NRXN3: variants seen among roughly 807,000 people sequenced by gnomAD.
NRXN3 encodes neurexin 3.
NRXN3 carries 32 observed loss-of-function variants against 137.6 expected under a neutral mutation model. That is an observed-to-expected ratio of 0.23 (90% CI 0.18 to 0.31). NRXN3 has a LOEUF of 0.31. NRXN3 is among the 10% of genes least tolerant of loss of function. The probability of loss-of-function intolerance (pLI) is 1.00; values close to 1 mark genes in which losing one functional copy is unlikely to be tolerated. For missense variants in NRXN3, 1,574 were observed against 2,062.5 expected (o/e 0.76, Z 4.59); for synonymous variants, 798 against 784.5 (o/e 1.02, Z -0.29).
chr14:78,815,467 ATTTG>A (rs982452468), intron 10 of NRXN3, among the ~76,000 whole-genome samples: 2 of 64,324 alleles, frequency 3.1e-5, no homozygotes, highest in African/African-American at 1.0e-4. Context: ...TGCTTGGATA[ATTTG>A]TTTCTTTCTT....
intron 8 of NRXN3, among the ~76,000 whole-genome samples, chr14:78,724,297 T>C (rs777402964): frequency 9.2e-5 from 14 of 152,264 alleles, no homozygotes; most frequent in Non-Finnish European, 1.9e-4. Context: ...TCATGGGTTC[T>C]GTTTTAATCC....
intron 16 of NRXN3, among the ~76,000 whole-genome samples, chr14:79,554,679 C>G (rs1238752548): frequency 6.6e-6 from 1 of 152,150 alleles, no homozygotes; most frequent in Non-Finnish European, 1.5e-5. Context: ...GGCAGTCACA[C>G]AGGGTCCCTT....
chr14:78,278,613 C>T (rs922208332), intron 2 of NRXN3, 32 bp from the exon 3 acceptor site: 10 of 1,527,080 alleles, frequency 6.5e-6, no homozygotes, highest in Non-Finnish European at 7.9e-6. Context: ...TCTCCTCTCT[C>T]CCTTTCCCTC....
At chr14:78,526,832 T>C in intron 4 of NRXN3, 1 of 498,218 alleles carries the variant, frequency 2.0e-6, no homozygotes, top group East Asian at 5.7e-5. Context: ...AGGGGATTCA[T>C]ATTTTCTATG....
chr14:79,009,408 C>T (rs1261897853), intron 15 of NRXN3, among the ~76,000 whole-genome samples: 1 of 152,100 alleles, frequency 6.6e-6, no homozygotes. Flanking sequence ...AAATCATTGC[C>T]ATTGGTACTG....
intron 20 of NRXN3, among the ~76,000 whole-genome samples, chr14:79,808,255 A>AAATAT (rs1555750671): frequency 6.5e-5 from 8 of 123,974 alleles, no homozygotes; most frequent in African/African-American, 2.6e-4. Context: ...AAAAAAAAAA[A>AAATAT]ATATATATAT....
chr14:78,582,880 C>A (rs2097017186), intron 4 of NRXN3, among the ~76,000 whole-genome samples: 1 of 152,200 alleles, frequency 6.6e-6, no homozygotes, highest in Non-Finnish European at 1.5e-5. Context: ...ACGCTCTGTC[C>A]TGTTCTGCAG....
At chr14:78,245,536 C>T (rs2067546149) in intron 2 of NRXN3, among the ~76,000 whole-genome samples, 1 of 152,190 alleles carries the variant, frequency 6.6e-6, no homozygotes, top group African/African-American at 2.4e-5. Context: ...TAATTAAAGA[C>T]TGCAGGTGTT....
intron 4 of NRXN3, among the ~76,000 whole-genome samples, chr14:78,469,841 G>A (rs982379692): frequency 2.0e-5 from 3 of 152,186 alleles, no homozygotes; most frequent in African/African-American, 7.2e-5. Flanking sequence ...TGAGATCTCA[G>A]TATTTGTTTT....
At chr14:79,805,744 A>C (rs1027861129) in intron 20 of NRXN3, among the ~76,000 whole-genome samples, 3 of 152,138 alleles carry the variant, frequency 2.0e-5, no homozygotes, top group African/African-American at 7.2e-5. Flanking sequence ...CTTTGTACTA[A>C]TTTTGTTAAC....
At chr14:79,721,029 T>C (rs2098842630) in intron 19 of NRXN3, among the ~76,000 whole-genome samples, 1 of 152,166 alleles carries the variant, frequency 6.6e-6, no homozygotes, top group Non-Finnish European at 1.5e-5. Flanking sequence ...ATGCAGTATT[T>C]ATCTGTATAT....
intron 16 of NRXN3, among the ~76,000 whole-genome samples, chr14:79,493,847 C>T (rs1462847667): frequency 6.6e-6 from 1 of 152,150 alleles, no homozygotes; most frequent in African/African-American, 2.4e-5. Flanking sequence ...AAGGTTTTCA[C>T]AAGGTCTATA....
At chr14:79,471,435 C>G (rs1226271096) in intron 16 of NRXN3, among the ~76,000 whole-genome samples, 1 of 152,190 alleles carries the variant, frequency 6.6e-6, no homozygotes, top group Non-Finnish European at 1.5e-5. Flanking sequence ...CACAGTATTC[C>G]TCCACACGTG....
intron 10 of NRXN3, among the ~76,000 whole-genome samples, chr14:78,866,143 A>T (rs778877911): frequency 1.5e-4 from 23 of 152,168 alleles, no homozygotes; most frequent in Non-Finnish European, 2.2e-4. Context: ...TAAGAATTCT[A>T]TAGTCTCTGC....
At position 78,792,200 on chromosome 14, in the gene NRXN3, CAAAGA is replaced by C. The variant is rs1297188698; in HGVS notation, c.2045-11416_2045-11412del. Among the ~76,000 whole-genome samples the C allele has an allele frequency of 3.6e-4, 5 of 13,932 alleles. No individual in the cohort carries two copies. In the Admixed American group the frequency reaches 4.9e-3, roughly 14 times the overall value. The allele number at this position is 13,932 out of a possible 152,430, so 9.1% of individuals were successfully genotyped here. On this transcript the variant is annotated intron_variant, in intron 8 of 20. Transcript: ENST00000335750. ...AAATTGAATTCATGTCACAAGAACT[CAAAGA>C]AAAAAAAAAAACAAATTATCTGAAA...
intron 15 of NRXN3, among the ~76,000 whole-genome samples, chr14:79,214,018 T>TA (rs1337628853): frequency 3.9e-5 from 6 of 152,374 alleles, no homozygotes; most frequent in Admixed American, 2.0e-4. Context: ...ACTTTATAGT[T>TA]AAGCTTGGTG....
intron 4 of NRXN3, among the ~76,000 whole-genome samples, chr14:78,329,185 C>T (rs1308759363): frequency 2.6e-5 from 4 of 152,146 alleles, no homozygotes; most frequent in Non-Finnish European, 4.4e-5. Context: ...AGTTCACTTT[C>T]GTGACTCACT....
chr14:78,624,490 G>C (rs1404955052), intron 4 of NRXN3, among the ~76,000 whole-genome samples: 1 of 152,210 alleles, frequency 6.6e-6, no homozygotes, highest in African/African-American at 2.4e-5. Context: ...GCAAGAGGGG[G>C]GCGGTATGCC....
intron 15 of NRXN3, among the ~76,000 whole-genome samples, chr14:79,227,800 CCCTTCCTCCCTCCCTT>C (rs1442920191): frequency 1.6e-5 from 2 of 122,818 alleles, no homozygotes; most frequent in South Asian, 2.8e-4. Flanking sequence ...CTCCCTTCCT[CCCTTCCTCCCTCCCTT>C]CCTCCCTTCC....
Sources: allele counts gnomAD v4.1 joint callset (sites outside exome capture counted in the v4.1 genomes callset), GRCh38; gene constraint gnomAD v4.1.1; transcripts MANE v1.5; gene names NCBI Gene and HGNC (gene_info 2026-07-23, HGNC 2026-07-21).